Variants in CDKAL1 observed in about 807,000 individuals in gnomAD.
CDKAL1 encodes CDKAL1 threonylcarbamoyladenosine tRNA methylthiotransferase.
In CDKAL1, 32 loss-of-function variants were observed where a neutral mutation model predicts 68.2. That is an observed-to-expected ratio of 0.47 (90% CI 0.35 to 0.63). The LOEUF (loss-of-function observed/expected upper bound fraction) is 0.63. Among genes scored for constraint, CDKAL1 ranks in the 30% least tolerant of loss-of-function variants. The pLI, the probability that CDKAL1 is intolerant of heterozygous loss-of-function variation, is 0.00. For missense variants in CDKAL1, 606 were observed against 696.7 expected (o/e 0.87, Z 1.47); for synonymous variants, 234 against 244.3 (o/e 0.96, Z 0.39).
chr6:21,121,671 A>G (rs570202831), intron 13 of CDKAL1, among the ~76,000 whole-genome samples: 2 of 152,334 alleles, frequency 1.3e-5, no homozygotes, highest in East Asian at 1.9e-4. Context: ...CTGTACCACT[A>G]GTACTCACCA....
intron 4 of CDKAL1, among the ~76,000 whole-genome samples, chr6:20,580,996 T>A (rs1765122197): frequency 6.6e-6 from 1 of 151,962 alleles, no homozygotes. Context: ...TTCATGTTGG[T>A]CAGGCTGGTT....
chr6:21,174,075 G>A (rs1305151280), intron 13 of CDKAL1, among the ~76,000 whole-genome samples: 3 of 151,876 alleles, frequency 2.0e-5, no homozygotes, highest in South Asian at 2.1e-4. Context: ...GAGAGATCCT[G>A]TCTCAATTAA....
intron 9 of CDKAL1, among the ~76,000 whole-genome samples, chr6:20,918,090 G>C (rs565823328): frequency 6.6e-6 from 1 of 152,270 alleles, no homozygotes; most frequent in East Asian, 1.9e-4. Flanking sequence ...CAGCCAGGGC[G>C]ACAGCCCAAG....
chr6:21,212,665 T>C (rs1335529367), intron 15 of CDKAL1, among the ~76,000 whole-genome samples: 1 of 152,204 alleles, frequency 6.6e-6, no homozygotes, highest in African/African-American at 2.4e-5. Flanking sequence ...AGAGTGTGTT[T>C]GTTTTCTAAC....
intron 9 of CDKAL1, among the ~76,000 whole-genome samples, chr6:20,865,931 A>G (rs1759884629): frequency 6.6e-6 from 1 of 152,224 alleles, no homozygotes; most frequent in African/African-American, 2.4e-5. Context: ...TTGCAAACCA[A>G]TTCCTATAAA....
chr6:20,895,123 C>G (rs556782476), intron 9 of CDKAL1, among the ~76,000 whole-genome samples: 2 of 152,170 alleles, frequency 1.3e-5, no homozygotes, highest in Admixed American at 1.3e-4. Flanking sequence ...GTTTTATACT[C>G]TCAAATATTT....
intron 4 of CDKAL1, among the ~76,000 whole-genome samples, chr6:20,568,038 G>T (rs1449180892): frequency 3.9e-5 from 6 of 152,122 alleles, no homozygotes; most frequent in African/African-American, 1.4e-4. Flanking sequence ...ACCACGCCCG[G>T]CTAATTTTTT....
intron 10 of CDKAL1, among the ~76,000 whole-genome samples, chr6:20,992,914 A>AG (rs1379855809): frequency 1.3e-5 from 2 of 151,714 alleles, no homozygotes; most frequent in Non-Finnish European, 2.9e-5. Context: ...AGAAAAAAAA[A>AG]AAAAGAAATA....
chr6:20,917,412 T>C (rs1762768547), intron 9 of CDKAL1, among the ~76,000 whole-genome samples: 1 of 152,206 alleles, frequency 6.6e-6, no homozygotes, highest in African/African-American at 2.4e-5. Flanking sequence ...AGATGCTTAG[T>C]GATAGCCTTT....
chr6:20,980,658 G>A (rs1410990274), intron 10 of CDKAL1, among the ~76,000 whole-genome samples: 5 of 147,622 alleles, frequency 3.4e-5, no homozygotes, highest in Non-Finnish European at 7.5e-5. Context: ...GGATGTTGGG[G>A]GTGAATAGGC....
At chr6:21,153,677 GA>G (rs1284439832) in intron 13 of CDKAL1, among the ~76,000 whole-genome samples, 2 of 151,972 alleles carry the variant, frequency 1.3e-5, no homozygotes, top group Non-Finnish European at 2.9e-5. Flanking sequence ...CTCAGCAGTA[GA>G]AAAAAAATAG....
At chr6:20,870,844 A>C (rs544545876) in intron 9 of CDKAL1, among the ~76,000 whole-genome samples, 5 of 152,336 alleles carry the variant, frequency 3.3e-5, no homozygotes, top group African/African-American at 9.6e-5. Context: ...CATCATAATG[A>C]TTGAGCATGA....
chr6:20,727,852 C>T (rs574636361), intron 5 of CDKAL1, among the ~76,000 whole-genome samples: 236 of 152,138 alleles, frequency 1.6e-3, no homozygotes, highest in Non-Finnish European at 2.6e-3. Context: ...TTATAAGGGC[C>T]GTATTTGGAC....
Position 20,981,701 on chromosome 6 carries a change from C to T in CDKAL1, c.910-18526C>T, listed in dbSNP as rs565650041. ...CTAAAAATACGAAGAATTAGCTGGG[C>T]GTGGTGGCAGGTGCCTATAATCCCA... On this transcript the variant is annotated intron_variant, in intron 10 of 15. Transcript: ENST00000274695. Among the ~76,000 whole-genome samples the T allele has an allele frequency of 7.9e-5, 12 of 152,250 alleles. No homozygotes were observed. In the South Asian group the frequency reaches 2.1e-3, roughly 26 times the overall value.
chr6:20,948,540 T>G (rs59220388), intron 9 of CDKAL1, among the ~76,000 whole-genome samples: 15,504 of 152,254 alleles, frequency 0.1, 1,428 homozygotes, highest in African/African-American at 0.25. Flanking sequence ...TGATTATTAA[T>G]ATTTTCTGAG....
chr6:21,055,220 G>A (rs1770761360), intron 11 of CDKAL1, among the ~76,000 whole-genome samples: 1 of 151,992 alleles, frequency 6.6e-6, no homozygotes, highest in South Asian at 2.1e-4. Flanking sequence ...AAGTGGTCAT[G>A]ATATATAATC....
chr6:20,758,460 T>C, intron 6 of CDKAL1, 135 bp from the exon 7 acceptor site: 1 of 609,662 alleles, frequency 1.6e-6, no homozygotes, highest in Non-Finnish European at 2.9e-6. Flanking sequence ...TTTTTTATAG[T>C]GTCTCCAAAT....
In CDKAL1 at chr6:20,902,339, AC is replaced by A. The variant is rs1210607246; in HGVS notation, c.743-53079del. On this transcript the variant is annotated intron_variant, in intron 9 of 15. Transcript: ENST00000274695. ...CACACACACACACACACACACACAC[AC>A]ACACACACACACACACACAATGTGT... is the stretch of plus-strand genomic sequence containing the variant. Among the ~76,000 whole-genome samples, 118 of 150,922 alleles carry A rather than the reference AC, an allele frequency of 7.8e-4. No individual in the cohort carries two copies. The South Asian group carries it at 0.014, about 18-fold the overall frequency.
intron 11 of CDKAL1, among the ~76,000 whole-genome samples, chr6:21,010,615 G>A (rs937738562): frequency 6.6e-6 from 1 of 152,086 alleles, no homozygotes; most frequent in Non-Finnish European, 1.5e-5. Context: ...TATTCCTACT[G>A]AAAATCAGGA....
Sources: allele counts gnomAD v4.1 joint callset (sites outside exome capture counted in the v4.1 genomes callset), GRCh38; gene constraint gnomAD v4.1.1; transcripts MANE v1.5; gene names NCBI Gene and HGNC (gene_info 2026-07-23, HGNC 2026-07-21).